Variants in XPNPEP1 observed in about 807,000 individuals in gnomAD.
XPNPEP1 encodes the protein xaa-Pro aminopeptidase 1.
XPNPEP1 carries 39 observed loss-of-function variants against 92.4 expected under a neutral mutation model. That is an observed-to-expected ratio of 0.42 (90% CI 0.33 to 0.55). The LOEUF is 0.55. Ranked by LOEUF, XPNPEP1 falls within the 20% of genes least tolerant of loss-of-function variation. XPNPEP1 has a pLI of 0.08. For missense variants in XPNPEP1, 654 were observed against 856.1 expected, an observed-to-expected ratio of 0.76 and a Z score of 2.95; for synonymous variants, 307 against 299.4, an observed-to-expected ratio of 1.03 and a Z score of -0.26.
intron 14 of XPNPEP1, chr10:109,876,089 T>A (rs1420758418): frequency 1.3e-5 from 2 of 152,978 alleles, no homozygotes; most frequent in Non-Finnish European, 2.9e-5. Context: ...CTCCCCAGAC[T>A]GCTAGACAGG....
At chr10:109,900,261 C>T (rs1849212597) in intron 3 of XPNPEP1, among the ~76,000 whole-genome samples, 1 of 152,128 alleles carries the variant, frequency 6.6e-6, no homozygotes, top group East Asian at 1.9e-4. Flanking sequence ...CCTCCCCAGC[C>T]GTAGGAGAAA....
rs1169223004 is a variant in XPNPEP1, at chr10:109,865,100, G to C, written c.*84C>G. On this transcript the variant is annotated 3_prime_UTR_variant, in exon 21 of 21. Coordinates refer to ENST00000502935, the MANE Select transcript of XPNPEP1 (RefSeq NM_020383.4). ...AAAGGGGAGGTAGGGAAGAAGGAAA[G>C]GAAAGGGGAAAGATGTCAGGGATCT... 1.3e-6 allele frequency: 2 copies of C among 1,582,496 alleles called. No homozygotes were observed. The highest frequency in any genetic ancestry group is 1.3e-5 in the African/African-American group (1 of 74,154).
At chr10:109,878,081 T>A in intron 12 of XPNPEP1, 23 bp from the exon 13 acceptor site, 3 of 1,613,954 alleles carry the variant, frequency 1.9e-6, no homozygotes, top group Non-Finnish European at 1.7e-6. Flanking sequence ...TGCTTATAAA[T>A]CATCTGGTGA....
At chr10:109,909,410 T>G (rs533040767) in intron 2 of XPNPEP1, among the ~76,000 whole-genome samples, 1 of 152,086 alleles carries the variant, frequency 6.6e-6, no homozygotes, top group African/African-American at 2.4e-5. Context: ...AAAATAGGAA[T>G]AGAAATATAA....
rs558157415 is a variant in XPNPEP1, at chr10:109,870,714, A to G, written c.1696+17T>C. On this transcript the variant is annotated intron_variant, in intron 18 of 20. Transcript: ENST00000502935. ...GCTCAAGGATCCACGCATGCCCTCT[A>G]TGTGAGGGACACTTACCATCAGTGA... 9 of 1,612,990 alleles carry G rather than the reference A, an allele frequency of 5.6e-6. No individual in the cohort carries two copies. Among genetic ancestry groups the G allele is most frequent in the African/African-American group, 4.0e-5 (3 of 75,006 alleles).
chr10:109,894,797 C>T lies in XPNPEP1; in HGVS notation c.247-1722G>A, dbSNP rs555053253. Among the ~76,000 whole-genome samples the T allele has an allele frequency of 5.9e-5, 9 of 152,296 alleles. No homozygotes were observed. In the South Asian group the frequency reaches 1.9e-3, roughly 32 times the overall value. ...CATTTCAGATTGCTAAATGCAACAG[C>T]AAGCACGTTTTATTCCTAAAGCATA... On this transcript the variant is annotated intron_variant, in intron 3 of 20. Transcript: ENST00000502935.
At chr10:109,881,960 G>C (rs190450674) in intron 10 of XPNPEP1, among the ~76,000 whole-genome samples, 112 of 152,282 alleles carry the variant, frequency 7.4e-4, no homozygotes, top group East Asian at 2.9e-3. Flanking sequence ...GCAGAAGGAG[G>C]GGGTAGAGAA....
intron 3 of XPNPEP1, among the ~76,000 whole-genome samples, chr10:109,895,366 G>A (rs914200667): frequency 6.6e-6 from 1 of 152,202 alleles, no homozygotes; most frequent in African/African-American, 2.4e-5. Flanking sequence ...TGGGAGAGAT[G>A]GAAGATCCGC....
At chr10:109,898,562 G>A (rs1287657923) in intron 3 of XPNPEP1, among the ~76,000 whole-genome samples, 2 of 152,218 alleles carry the variant, frequency 1.3e-5, no homozygotes, top group Admixed American at 6.5e-5. Context: ...CAGGAAAACA[G>A]TCCAGAGGGA....
At chr10:109,871,554 A>G (rs1431307881) in intron 17 of XPNPEP1, among the ~76,000 whole-genome samples, 2 of 152,112 alleles carry the variant, frequency 1.3e-5, no homozygotes, top group African/African-American at 2.4e-5. Context: ...ATCCAATACC[A>G]TAAGTGGTCA....
chr10:109,893,912 A>C (rs1310807489), intron 3 of XPNPEP1: 1 of 152,246 alleles, frequency 6.6e-6, no homozygotes, highest in Non-Finnish European at 1.5e-5. Flanking sequence ...CTGCCAATGC[A>C]TGACACTTTA....
At chr10:109,901,355 CAT>C (rs1304837413) in intron 3 of XPNPEP1, among the ~76,000 whole-genome samples, 3 of 152,036 alleles carry the variant, frequency 2.0e-5, no homozygotes, top group Admixed American at 6.5e-5. Flanking sequence ...CACATGTATA[CAT>C]ATGTTAACAA....
At chr10:109,871,082 A>C in intron 17 of XPNPEP1, 178 bp from the exon 18 acceptor site, 1 of 673,570 alleles carries the variant, frequency 1.5e-6, no homozygotes, top group Non-Finnish European at 2.3e-6. Context: ...AAACCATCAG[A>C]GCTCAGTCTG....
At chr10:109,905,503 T>A (rs1849512441) in intron 3 of XPNPEP1, among the ~76,000 whole-genome samples, 1 of 152,004 alleles carries the variant, frequency 6.6e-6, no homozygotes, top group Admixed American at 6.6e-5. Context: ...CCACCGTGAC[T>A]GGCCCAGCAA....
In XPNPEP1 at chr10:109,888,325, G is replaced by A. The variant is rs1848513087; in HGVS notation, c.509-133C>T. On this transcript the variant is annotated intron_variant, in intron 6 of 20. Coordinates refer to ENST00000502935, the MANE Select transcript of XPNPEP1 (RefSeq NM_020383.4). ...CCCAGAGCTGGGTGTGCAGGATGAG[G>A]AACTGTAAAAGCACATCTTCACCAC... 1.2e-5 allele frequency: 16 copies of A among 1,352,850 alleles called. No homozygotes were observed. The South Asian group carries it at 2.3e-4, about 20-fold the overall frequency. 83.8% of individuals were successfully genotyped at this position (1,352,850 alleles called of 1,614,324 possible).
Position 109,915,117 on chromosome 10 carries a change from C to G in XPNPEP1, c.33-18G>C. 1 of 1,462,206 alleles carries G rather than the reference C, an allele frequency of 6.8e-7. No individual in the cohort carries two copies. The highest frequency in any genetic ancestry group is 9.1e-7 in the Non-Finnish European group (1 of 1,094,994). The allele number at this position is 1,462,206 out of a possible 1,614,324, so 90.6% of individuals were successfully genotyped here. On this transcript the variant is annotated intron_variant, in intron 1 of 20. Coordinates refer to ENST00000502935, the MANE Select transcript of XPNPEP1 (RefSeq NM_020383.4). ...GATTCACCCTTAAGGAGAGAAAGAA[C>G]AGGAAGTTGCAGACTTTGACCACAA...
At chr10:109,902,883 C>A (rs754957633) in intron 3 of XPNPEP1, among the ~76,000 whole-genome samples, 6 of 152,218 alleles carry the variant, frequency 3.9e-5, no homozygotes, top group Non-Finnish European at 4.4e-5. Context: ...AGATAAAGAG[C>A]TGAGGGAAAG....
At chr10:109,923,256 G>C (rs1235765088) in intron 1 of XPNPEP1, 146 bp downstream of exon 1, 2 of 1,184,842 alleles carry the variant, frequency 1.7e-6, no homozygotes, top group African/African-American at 1.6e-5. Context: ...TCCTGTTCCG[G>C]GGCTCCGGCG....
intron 1 of XPNPEP1, among the ~76,000 whole-genome samples, chr10:109,920,333 T>C (rs914606088): frequency 2.6e-5 from 4 of 152,222 alleles, no homozygotes; most frequent in African/African-American, 9.6e-5. Flanking sequence ...TACTAATAAC[T>C]TGAATTGTAC....
Sources: gnomAD v4.1 joint callset for allele counts (sites outside exome capture counted in the v4.1 genomes callset) on GRCh38, gnomAD v4.1.1 for gene constraint, MANE v1.5 for transcripts, NCBI Gene and HGNC (gene_info 2026-07-23, HGNC 2026-07-21) for gene names.